CYP3A43: variants seen among roughly 807,000 people sequenced by gnomAD.
CYP3A43 encodes cytochrome P450 3A43.
A neutral mutation model predicts 58.0 loss-of-function variants in CYP3A43; 45 were observed. That is an observed-to-expected ratio of 0.78 (90% CI 0.61 to 0.99). The LOEUF is 0.99. CYP3A43 is among the 50% of genes least tolerant of loss of function. CYP3A43 has a pLI of 0.00. For synonymous variants in CYP3A43, 191 were observed against 201.4 expected (o/e 0.95, Z 0.44); for missense variants, 593 against 591.9 (o/e 1.00, Z -0.02).
In CYP3A43 at chr7:99,853,748, G is replaced by A. The variant is rs552654881; in HGVS notation, c.671-1843G>A. The stretch of plus-strand genomic sequence containing the variant: ...ATTTTTGTATTTTTAGTAAAGACAA[G>A]GTTTTTACTGTTGGTCAAGCTGGTC... On this transcript the variant is annotated intron_variant, in intron 7 of 12. Transcript: ENST00000354829. 3.9e-5 allele frequency among the ~76,000 whole-genome samples: 6 copies of A among 152,306 alleles called. No individual in the cohort carries two copies. The South Asian group carries it at 1.2e-3, about 32-fold the overall frequency.
At chr7:99,836,827 T>C (rs1472828684) in intron 2 of CYP3A43, among the ~76,000 whole-genome samples, 1 of 152,140 alleles carries the variant, frequency 6.6e-6, no homozygotes. Context: ...TAAAGAGGAC[T>C]TTCCTTTTGC....
At position 99,863,681 on chromosome 7, in the gene CYP3A43, A is replaced by AGGG; in HGVS notation, c.1398_1399insGGG (p.Lys466_Pro467insGly). 2 of 1,606,838 alleles carry AGGG rather than the reference A, an allele frequency of 1.2e-6. No homozygotes were observed. Among genetic ancestry groups the AGGG allele is most frequent in the Non-Finnish European group, 1.7e-6 (2 of 1,177,278 alleles). ...GAGCACTGCAGAACTTCTCCTTCAA[A>AGGG]CCTTGTAAAGAGACTCAGGTCAGTA... On this transcript the variant is annotated inframe_insertion, in exon 12 of 13. Transcript: ENST00000354829.
At chr7:99,855,543 T>C in intron 7 of CYP3A43, 48 bp from the exon 8 acceptor site, 1 of 1,559,162 alleles carries the variant, frequency 6.4e-7, no homozygotes, top group African/African-American at 1.4e-5. Context: ...AAATTTCACA[T>C]TTTTCACTAT....
At chr7:99,862,982 A>G (rs1262167912) in intron 11 of CYP3A43, among the ~76,000 whole-genome samples, 1 of 152,232 alleles carries the variant, frequency 6.6e-6, no homozygotes, top group Non-Finnish European at 1.5e-5. Context: ...GTAAGTGGTT[A>G]CCGTGTGTCA....
At chr7:99,838,766 G>A in intron 2 of CYP3A43, 1 of 876,020 alleles carries the variant, frequency 1.1e-6, no homozygotes, top group South Asian at 1.5e-5. Flanking sequence ...GATCACCTAA[G>A]GTCAGGAGTT....
chr7:99,851,101 GT>G (rs1267989316), intron 7 of CYP3A43, among the ~76,000 whole-genome samples: 1 of 151,770 alleles, frequency 6.6e-6, no homozygotes, highest in Non-Finnish European at 1.5e-5. Context: ...AGAGGTGGAG[GT>G]TACAGTGAGC....
intron 3 of CYP3A43, among the ~76,000 whole-genome samples, chr7:99,843,885 G>A (rs964724104): frequency 3.9e-5 from 6 of 152,190 alleles, no homozygotes; most frequent in African/African-American, 1.2e-4. Flanking sequence ...TCTCTTTGAA[G>A]AGCTCTTTTG....
intron 6 of CYP3A43, among the ~76,000 whole-genome samples, chr7:99,849,063 G>T (rs1341441886): frequency 6.6e-6 from 1 of 152,222 alleles, no homozygotes; most frequent in East Asian, 1.9e-4. Context: ...GCGGAGACAT[G>T]ACGTTCACAG....
At chr7:99,838,872 T>G (rs1817204738) in intron 2 of CYP3A43, 7 of 546,846 alleles carry the variant, frequency 1.3e-5, no homozygotes, top group South Asian at 1.2e-4. Context: ...CCCAGCTACT[T>G]GGGAGGCTGA....
rs776244943 is a variant in CYP3A43, at chr7:99,861,681, A to G, written c.1095A>G (p.Arg365=). ...ACATGGTGGTGAATGAAACGCTCAGATTATTCCCAGTTGTTAGTAGAGTTA... is the reference window on the plus strand; with the variant it reads ...ACATGGTGGTGAATGAAACGCTCAGGTTATTCCCAGTTGTTAGTAGAGTTA... The part of the protein sequence containing the change: ...YLDMVVNETL[R]LFPVVSRVTR... Residue 365 remains arginine (R), a synonymous_variant, in exon 11 of 13, where the codon AGA becomes AGG. Transcript: ENST00000354829. The G allele has an allele frequency of 6.2e-7, 1 of 1,614,186 alleles. No homozygotes were observed. The highest frequency in any genetic ancestry group is 1.1e-5 in the South Asian group (1 of 91,082).
At chr7:99,861,899 C>A in intron 11 of CYP3A43, 60 bp downstream of exon 11, 1 of 1,435,938 alleles carries the variant, frequency 7.0e-7, no homozygotes, top group Non-Finnish European at 9.6e-7. Context: ...TATATTCTGC[C>A]TCTCTCGATG....
At chr7:99,843,069 A>G (rs1817401006) in intron 3 of CYP3A43, among the ~76,000 whole-genome samples, 1 of 152,188 alleles carries the variant, frequency 6.6e-6, no homozygotes, top group African/African-American at 2.4e-5. Context: ...TGTTTGCATT[A>G]TTTTATGTAA....
At chr7:99,845,309 TTTTTTC>T (rs202210838) in intron 4 of CYP3A43, among the ~76,000 whole-genome samples, 2 of 152,008 alleles carry the variant, frequency 1.3e-5, no homozygotes, top group Non-Finnish European at 2.9e-5. Context: ...TGCATCTCTT[TTTTTTC>T]TTTTTCTTTT....
In CYP3A43 at chr7:99,859,758, A is replaced by G. The variant is rs879426889; in HGVS notation, c.866-72A>G. 18 of 1,584,738 alleles carry G rather than the reference A, an allele frequency of 1.1e-5. No homozygotes were observed. In the Admixed American group the frequency reaches 3.3e-4, roughly 29 times the overall value. ...CTTAGGGATTTGGGAGCTTCACTGGAATTTTGCTTCATCTAAACTGTGATG... is the reference window on the plus strand; with the variant it reads ...CTTAGGGATTTGGGAGCTTCACTGGGATTTTGCTTCATCTAAACTGTGATG... On this transcript the variant is annotated intron_variant, in intron 9 of 12. Transcript: ENST00000354829.
intron 2 of CYP3A43, among the ~76,000 whole-genome samples, chr7:99,837,947 T>C (rs983701076): frequency 1.3e-5 from 2 of 152,228 alleles, no homozygotes; most frequent in Non-Finnish European, 2.9e-5. Context: ...TTCTCCCAAC[T>C]GAGGCCTTCA....
chr7:99,830,975 G>C (rs1816819208), intron 1 of CYP3A43, among the ~76,000 whole-genome samples: 2 of 152,188 alleles, frequency 1.3e-5, no homozygotes, highest in African/African-American at 4.8e-5. Flanking sequence ...CTGTTACTAA[G>C]AGTGTTTACT....
chr7:99,843,024 C>T (rs981956496), intron 3 of CYP3A43, among the ~76,000 whole-genome samples: 1 of 152,180 alleles, frequency 6.6e-6, no homozygotes, highest in African/African-American at 2.4e-5. Context: ...AAGTTGAATG[C>T]GTAATCGACT....
At chr7:99,861,497 C>A in intron 10 of CYP3A43, 116 bp from the exon 11 acceptor site, 3 of 880,444 alleles carry the variant, frequency 3.4e-6, no homozygotes, top group East Asian at 2.7e-5. Context: ...ATGCAACAAT[C>A]TTTTACCAGA....
At chr7:99,836,275 T>C (rs1817072997) in intron 1 of CYP3A43, among the ~76,000 whole-genome samples, 178 bp from the exon 2 acceptor site, 1 of 152,230 alleles carries the variant, frequency 6.6e-6, no homozygotes, top group African/African-American at 2.4e-5. Context: ...TTGGTCTCTC[T>C]GATTCCTTAA....
Sources: gnomAD v4.1 joint callset for allele counts (sites outside exome capture counted in the v4.1 genomes callset) on GRCh38, gnomAD v4.1.1 for gene constraint, MANE v1.5 for transcripts, NCBI Gene and HGNC (gene_info 2026-07-23, HGNC 2026-07-21) for gene names.